EPHA6: variants seen among roughly 807,000 people sequenced by gnomAD.
The protein encoded by EPHA6 is ephrin type-A receptor 6.
A neutral mutation model predicts 112.0 loss-of-function variants in EPHA6; 50 were observed. That is an observed-to-expected ratio of 0.45 (90% CI 0.36 to 0.56). EPHA6 has a LOEUF of 0.56. Among genes scored for constraint, EPHA6 ranks in the 20% least tolerant of loss-of-function variants. The pLI is 0.00. For missense variants in EPHA6, 1,280 were observed against 1,417.4 expected, an observed-to-expected ratio of 0.90 and a Z score of 1.56; for synonymous variants, 529 against 490.7, an observed-to-expected ratio of 1.08 and a Z score of -1.03.
intron 5 of EPHA6, among the ~76,000 whole-genome samples, chr3:97,400,243 G>A (rs2086918078): frequency 6.6e-6 from 1 of 151,552 alleles, no homozygotes; most frequent in South Asian, 2.1e-4. Flanking sequence ...TGGCATCTTT[G>A]CCAAAAATCA....
intron 2 of EPHA6, among the ~76,000 whole-genome samples, chr3:96,905,975 G>T (rs989711918): frequency 2.0e-5 from 3 of 152,022 alleles, no homozygotes; most frequent in Non-Finnish European, 4.4e-5. Context: ...ATATGGATTT[G>T]TACATCAAAT....
At chr3:97,636,273 G>A (rs559925902) in intron 13 of EPHA6, among the ~76,000 whole-genome samples, 122 of 152,148 alleles carry the variant, frequency 8.0e-4, no homozygotes, top group Non-Finnish European at 1.5e-3. Context: ...ATTTTAGGTC[G>A]AAAGAACTTA....
At chr3:97,106,315 C>CT (rs141764697) in intron 3 of EPHA6, among the ~76,000 whole-genome samples, 1,994 of 151,524 alleles carry the variant, frequency 0.013, 47 homozygotes, top group African/African-American at 0.044. Flanking sequence ...ACTGATTCAA[C>CT]TTTTTTTTTC....
At chr3:97,442,695 T>C (rs1433178710) in intron 6 of EPHA6, among the ~76,000 whole-genome samples, 1 of 152,116 alleles carries the variant, frequency 6.6e-6, no homozygotes, top group African/African-American at 2.4e-5. Context: ...GAATCCACAT[T>C]AGTAATCAGA....
At chr3:96,963,984 T>C (rs2042035622) in intron 2 of EPHA6, among the ~76,000 whole-genome samples, 1 of 152,100 alleles carries the variant, frequency 6.6e-6, no homozygotes, top group South Asian at 2.1e-4. Context: ...CTTTTTAAAA[T>C]TAAAAATACA....
At chr3:97,313,890 T>C (rs1576924448) in intron 5 of EPHA6, among the ~76,000 whole-genome samples, 1 of 151,538 alleles carries the variant, frequency 6.6e-6, no homozygotes, top group African/African-American at 2.4e-5. Context: ...TAGGATGAAA[T>C]CCAACTTGCC....
In EPHA6 at chr3:97,749,504, G is replaced by A. The variant is rs377068286; in HGVS notation, c.*803G>A. The stretch of plus-strand genomic sequence containing the variant: ...TACTACCTTATGAAGACCGCTCCTG[G>A]AAAGACCAAGGGTGACTTCATTGAT... On this transcript the variant is annotated 3_prime_UTR_variant, in exon 18 of 18. Coordinates refer to ENST00000389672, the MANE Select transcript of EPHA6 (RefSeq NM_001080448.3). 2.0e-5 allele frequency among the ~76,000 whole-genome samples: 3 copies of A among 152,070 alleles called. No individual in the cohort carries two copies. The East Asian group carries it at 5.8e-4, about 29-fold the overall frequency.
intron 3 of EPHA6, among the ~76,000 whole-genome samples, chr3:97,088,561 C>T (rs2046973258): frequency 6.6e-6 from 1 of 152,084 alleles, no homozygotes; most frequent in African/African-American, 2.4e-5. Flanking sequence ...TTGTTTCTTA[C>T]CTTCCTGCAC....
At position 97,368,058 on chromosome 3, in the gene EPHA6, T is replaced by C. The variant is rs547498721; in HGVS notation, c.1607-37092T>C. Among the ~76,000 whole-genome samples the C allele has an allele frequency of 1.6e-4, 24 of 152,314 alleles. No individual in the cohort carries two copies. The South Asian group carries it at 5.0e-3, about 32-fold the overall frequency. On this transcript the variant is annotated intron_variant, in intron 5 of 17. Transcript: ENST00000389672. ...GACTTCAAAGCTCAAAATTTACATG[T>C]TCTTTATTTGACAACATTACTGTAT...
rs1576295805 is a variant in EPHA6 at position 97,001,230 on chromosome 3, T to C, written c.1114+13237T>C. Among the ~76,000 whole-genome samples, 3 of 151,862 alleles carry C rather than the reference T, an allele frequency of 2.0e-5. No individual in the cohort carries two copies. In the South Asian group the frequency reaches 6.2e-4, roughly 31 times the overall value. Reference sequence around the variant, plus strand: ...AAATAGCAACAGGGAACATTTGTGGTAAACCTTCTGCAATAACAGTTCATG... The same window carrying C: ...AAATAGCAACAGGGAACATTTGTGGCAAACCTTCTGCAATAACAGTTCATG... On this transcript the variant is annotated intron_variant, in intron 3 of 17. Coordinates refer to ENST00000389672, the MANE Select transcript of EPHA6 (RefSeq NM_001080448.3).
At chr3:97,543,017 T>G (rs1271250226) in intron 11 of EPHA6, among the ~76,000 whole-genome samples, 1 of 152,230 alleles carries the variant, frequency 6.6e-6, no homozygotes, top group African/African-American at 2.4e-5. Context: ...ATGAATAGAT[T>G]GCAAAAATTT....
At chr3:96,983,790 C>A (rs995999082) in intron 2 of EPHA6, among the ~76,000 whole-genome samples, 1 of 152,196 alleles carries the variant, frequency 6.6e-6, no homozygotes, top group Non-Finnish European at 1.5e-5. Flanking sequence ...CTTCTGACTT[C>A]TTTTCATTCA....
intron 2 of EPHA6, among the ~76,000 whole-genome samples, chr3:96,927,609 C>T (rs1002704739): frequency 3.3e-5 from 5 of 152,164 alleles, no homozygotes; most frequent in African/African-American, 1.2e-4. Flanking sequence ...TGCTCCAGTT[C>T]CCAATAATTT....
intron 1 of EPHA6, among the ~76,000 whole-genome samples, chr3:96,824,608 C>T (rs919974183): frequency 6.6e-6 from 1 of 151,984 alleles, no homozygotes; most frequent in East Asian, 1.9e-4. Context: ...AGGCAGGCCA[C>T]TGCCCCAACT....
At chr3:97,476,392 A>G (rs1185216047) in intron 8 of EPHA6, among the ~76,000 whole-genome samples, 1 of 152,102 alleles carries the variant, frequency 6.6e-6, no homozygotes, top group Non-Finnish European at 1.5e-5. Flanking sequence ...CAAACAGTAC[A>G]CACCAATGTT....
In EPHA6 at chr3:97,757,820, A is replaced by T. The variant is rs886520558; in HGVS notation, c.*9119A>T. Among the ~76,000 whole-genome samples, 3 of 151,850 alleles carry T rather than the reference A, an allele frequency of 2.0e-5. No homozygotes were observed. Among genetic ancestry groups the T allele is most frequent in the South Asian group, 2.1e-4 (1 of 4,830 alleles). ...TCTTTCCAGTTGTTTTAAGTATTTT[A>T]AAAAAGAGCCATTGTATTTTTTATA... On this transcript the variant is annotated 3_prime_UTR_variant, in exon 18 of 18. Coordinates refer to ENST00000389672, the MANE Select transcript of EPHA6 (RefSeq NM_001080448.3).
At chr3:96,941,351 A>G (rs1348345571) in intron 2 of EPHA6, among the ~76,000 whole-genome samples, 1 of 151,680 alleles carries the variant, frequency 6.6e-6, no homozygotes, top group African/African-American at 2.4e-5. Context: ...CATTCATTTC[A>G]TCTTCTATCA....
At chr3:97,353,461 G>T (rs1408486741) in intron 5 of EPHA6, among the ~76,000 whole-genome samples, 2 of 151,734 alleles carry the variant, frequency 1.3e-5, no homozygotes, top group Admixed American at 6.6e-5. Flanking sequence ...AGGGCCTTCA[G>T]TGAACATCAG....
intron 7 of EPHA6, among the ~76,000 whole-genome samples, chr3:97,454,862 C>T (rs1489445209): frequency 6.6e-6 from 1 of 151,788 alleles, no homozygotes; most frequent in African/African-American, 2.4e-5. Context: ...AGAAAGAGGA[C>T]CAGCTGACCC....
Sources: gnomAD v4.1 joint callset for allele counts (sites outside exome capture counted in the v4.1 genomes callset) on GRCh38, gnomAD v4.1.1 for gene constraint, MANE v1.5 for transcripts, NCBI Gene and HGNC (gene_info 2026-07-23, HGNC 2026-07-21) for gene names.